OR4K1: variants seen among roughly 807,000 people sequenced by gnomAD.
OR4K1 encodes the protein olfactory receptor family 4 subfamily K member 1, also known as olfactory receptor 4K1.
OR4K1 carries 16 observed loss-of-function variants against 14.4 expected under a neutral mutation model. The ratio of observed to expected loss-of-function variants is 1.11; its 90% CI spans 0.75 to 1.68. The LOEUF (loss-of-function observed/expected upper bound fraction) is 1.68. OR4K1 is among the 40% of genes most tolerant of loss of function. The pLI, the probability that OR4K1 is intolerant of heterozygous loss-of-function variation, is 0.00. For synonymous variants in OR4K1, 181 were observed against 133.1 expected, an observed-to-expected ratio of 1.36 and a Z score of -2.48; for missense variants, 548 against 376.9, an observed-to-expected ratio of 1.45 and a Z score of -3.76.
intron 1 of OR4K1, among the ~76,000 whole-genome samples, chr14:19,934,882 AG>A (rs1252153089): frequency 6.6e-6 from 1 of 152,198 alleles, no homozygotes. Flanking sequence ...CATGTTGGTC[AG>A]GCTGATCTTG....
At chr14:19,926,483 G>T (rs1020656123), upstream of OR4K1, among the ~76,000 whole-genome samples, 2 of 152,232 alleles carry the variant, frequency 1.3e-5, no homozygotes, top group Admixed American at 1.3e-4. Context: ...GATATTTTCA[G>T]AATTCTGCTA....
At chr14:19,928,133 G>T (rs183738750), upstream of OR4K1, among the ~76,000 whole-genome samples, 1 of 152,152 alleles carries the variant, frequency 6.6e-6, no homozygotes, top group African/African-American at 2.4e-5. Flanking sequence ...TTGCAATTTT[G>T]TGTCACCAGT....
At chr14:19,920,701 C>G in the OR4K1 span, 1 of 1,614,082 alleles carries the variant, frequency 6.2e-7, no homozygotes, top group South Asian at 1.1e-5. Flanking sequence ...TGTTTCTTCT[C>G]TGTGTTGTAT....
rs778635980 is a variant in OR4K1, at chr14:19,936,361, G to C, written c.695G>C (p.Gly232Ala). The change falls in exon 2 of 2, where the codon GGG becomes GCG. Residue 232 changes from glycine (G) to alanine (A), a missense_variant. Coordinates refer to ENST00000641172, the MANE Select transcript of OR4K1 (RefSeq NM_001004063.3). ...LIGVRCRSSS[G>A]SSKALSTLTA... is the part of the protein sequence containing the mutation. ...GGTGTCCGATGCAGGTCCTCCAGTG[G>C]GTCATCTAAGGCTCTTTCTACATTA... 6.2e-7 allele frequency: 1 copy of C among 1,614,080 alleles called. No homozygotes were observed. The highest frequency in any genetic ancestry group is 1.3e-5 in the African/African-American group (1 of 74,930).
Position 19,936,263 on chromosome 14 carries a change from C to T in OR4K1, c.597C>T (p.Thr199=), listed in dbSNP as rs1271162749. The T allele has an allele frequency of 1.2e-6, 2 of 1,614,180 alleles. No homozygotes were observed. Among genetic ancestry groups the T allele is most frequent in the East Asian group, 2.2e-5 (1 of 44,888 alleles). Residue 199 remains threonine, a synonymous_variant, in exon 2 of 2, where the codon ACC becomes ACT. Transcript: ENST00000641172. The part of the protein sequence containing the change: ...CMDTYEMEIM[T]LTNSGLISLS... ...ATACATATGAAATGGAAATTATGAC[C>T]CTAACGAACAGTGGCCTGATATCAT...
At chr14:19,922,074 C>T in the OR4K1 span, among the ~76,000 whole-genome samples, 1 of 129,176 alleles carries the variant, frequency 7.7e-6, no homozygotes, top group African/African-American at 2.7e-5. Flanking sequence ...GAGACTCCCC[C>T]CCCCAAAAAT....
chr14:19,924,910 T>A, the OR4K1 span, among the ~76,000 whole-genome samples: 3 of 152,210 alleles, frequency 2.0e-5, no homozygotes, highest in Non-Finnish European at 4.4e-5. Context: ...GTTAGGATTG[T>A]GATATTATGT....
At chr14:19,928,760 T>C (rs2138587013), upstream of OR4K1, among the ~76,000 whole-genome samples, 1 of 152,298 alleles carries the variant, frequency 6.6e-6, no homozygotes, top group East Asian at 1.9e-4. Flanking sequence ...AAGGTAAAGA[T>C]GTCTTATTAT....
At chr14:19,931,214 A>G (rs1882176640) in intron 1 of OR4K1, 69 bp downstream of exon 1, 1 of 152,258 alleles carries the variant, frequency 6.6e-6, no homozygotes, top group Admixed American at 6.5e-5. Flanking sequence ...TCTCTTATAG[A>G]TGCAAAAACA....
chr14:19,932,766 T>C (rs1047419139), intron 1 of OR4K1, among the ~76,000 whole-genome samples: 1 of 152,154 alleles, frequency 6.6e-6, no homozygotes, highest in Admixed American at 6.6e-5. Context: ...CATATTTGAA[T>C]GGTAGCTACT....
chr14:19,935,548 C>A, intron 1 of OR4K1, 100 bp from the exon 2 acceptor site: 1 of 930,030 alleles, frequency 1.1e-6, no homozygotes, highest in Non-Finnish European at 1.6e-6. Flanking sequence ...ATTAAATTGA[C>A]TATTTCTTTT....
At position 19,935,686 on chromosome 14, in the gene OR4K1, C is replaced by T. The variant is rs146809169; in HGVS notation, c.20C>T (p.Ser7Leu). MAHTNE[S>L]MVSEFVLLGL... Reference sequence around the variant, plus strand: ...GGATACATGGCTCACACAAATGAATCGATGGTGTCTGAGTTTGTACTTTTG... The same window carrying T: ...GGATACATGGCTCACACAAATGAATTGATGGTGTCTGAGTTTGTACTTTTG... The change falls in exon 2 of 2, where the codon TCG (serine) becomes TTG (leucine). Residue 7 changes from serine (S) to leucine (L), a missense_variant. Coordinates refer to ENST00000641172, the MANE Select transcript of OR4K1 (RefSeq NM_001004063.3). The T allele has an allele frequency of 4.1e-5, 65 of 1,600,700 alleles. No homozygotes were observed. Among genetic ancestry groups the T allele is most frequent in the Admixed American group, 8.8e-5 (5 of 56,984 alleles).
the OR4K1 span, among the ~76,000 whole-genome samples, chr14:19,925,061 CT>C: frequency 2.9e-3 from 442 of 151,658 alleles, no homozygotes; most frequent in South Asian, 3.7e-3. Flanking sequence ...ATTAAAAATT[CT>C]TTTTTTTTCC....
Position 19,935,754 on chromosome 14 carries a change from A to G in OR4K1, c.88A>G (p.Ile30Val), listed in dbSNP as rs1882293836. The G allele has an allele frequency of 2.5e-6, 4 of 1,613,304 alleles. No individual in the cohort carries two copies. The highest frequency in any genetic ancestry group is 1.3e-5 in the African/African-American group (1 of 74,934). Reference protein sequence around the residue: ...SWGLQLFFFAIFSIVYVTSVL... With the variant: ...SWGLQLFFFAVFSIVYVTSVL... ...GGGACTTCAACTTTTCTTTTTTGCC[A>G]TCTTCTCTATAGTCTATGTGACATC... is the stretch of plus-strand genomic sequence containing the variant. Residue 30 changes from isoleucine to valine, a missense_variant, in exon 2 of 2, where the codon ATC (isoleucine) becomes GTC (valine). Transcript: ENST00000641172.
intron 1 of OR4K1, among the ~76,000 whole-genome samples, chr14:19,933,204 AATTT>A (rs1882224875): frequency 6.7e-6 from 1 of 150,266 alleles, no homozygotes; most frequent in Non-Finnish European, 1.5e-5. Flanking sequence ...GTATAATCTA[AATTT>A]ATTTGCATGC....
the OR4K1 span, among the ~76,000 whole-genome samples, chr14:19,923,756 G>A: frequency 6.6e-6 from 1 of 152,218 alleles, no homozygotes; most frequent in South Asian, 2.1e-4. Context: ...AGTGAAGATA[G>A]ACACTATATT....
rs1489296861 is a variant in OR4K1 at position 19,935,657 on chromosome 14, T to C, written c.-10T>C. The C allele has an allele frequency of 6.4e-7, 1 of 1,573,440 alleles. No individual in the cohort carries two copies. The highest frequency in any genetic ancestry group is 8.6e-7 in the Non-Finnish European group (1 of 1,163,364). On this transcript the variant is annotated 5_prime_UTR_variant, in exon 2 of 2. Transcript: ENST00000641172. ...GATTTCTTTTTTTTAGGTAACTGAA[T>C]ATTGGATACATGGCTCACACAAATG...
intron 1 of OR4K1, among the ~76,000 whole-genome samples, chr14:19,935,000 A>G (rs1049412882): frequency 6.6e-6 from 1 of 152,166 alleles, no homozygotes; most frequent in South Asian, 2.1e-4. Flanking sequence ...AAATACTTCC[A>G]AGAACATTAT....
At chr14:19,929,139 T>G (rs1395372967), upstream of OR4K1, among the ~76,000 whole-genome samples, 1 of 151,494 alleles carries the variant, frequency 6.6e-6, no homozygotes, top group African/African-American at 2.4e-5. Flanking sequence ...TTAAAATTTA[T>G]TTTGCTTTTA....
Sources: allele counts gnomAD v4.1 joint callset (sites outside exome capture counted in the v4.1 genomes callset), GRCh38; gene constraint gnomAD v4.1.1; transcripts MANE v1.5; gene names NCBI Gene and HGNC (gene_info 2026-07-23, HGNC 2026-07-21).